Variants in ENTREP2 observed in about 807,000 individuals in gnomAD.
ENTREP2 encodes the protein endosomal transmembrane epsin interactor 2.
chr15:29,502,256 A>G, the ENTREP2 span, among the ~76,000 whole-genome samples: 1 of 152,004 alleles, frequency 6.6e-6, no homozygotes, highest in African/African-American at 2.4e-5. Flanking sequence ...ACAGTGTGAT[A>G]CTGGTATAAG....
chr15:29,490,365 G>C, the ENTREP2 span, among the ~76,000 whole-genome samples: 2 of 152,210 alleles, frequency 1.3e-5, no homozygotes, highest in Non-Finnish European at 2.9e-5. Context: ...ACCGCAAAGA[G>C]CGAAAGAACA....
chr15:29,218,143 T>C, the ENTREP2 span, among the ~76,000 whole-genome samples: 1 of 152,060 alleles, frequency 6.6e-6, no homozygotes, highest in African/African-American at 2.4e-5. Flanking sequence ...CCTGTTCCGG[T>C]AGAGGTGGCA....
At chr15:29,344,937 C>G in the ENTREP2 span, among the ~76,000 whole-genome samples, 1 of 136,384 alleles carries the variant, frequency 7.3e-6, no homozygotes, top group African/African-American at 3.3e-5. Flanking sequence ...CGCAGACACA[C>G]ACACACACAC....
the ENTREP2 span, chr15:29,120,244 G>C: frequency 6.6e-6 from 1 of 152,342 alleles, no homozygotes; most frequent in African/African-American, 2.4e-5. Flanking sequence ...AGACCTCAGA[G>C]ACACAGAGGC....
At chr15:29,532,800 T>G in the ENTREP2 span, among the ~76,000 whole-genome samples, 6 of 152,234 alleles carry the variant, frequency 3.9e-5, no homozygotes, top group South Asian at 1.0e-3. Context: ...ACCTGAGATC[T>G]CCCCAAGAAT....
chr15:29,486,424 C>T, the ENTREP2 span, among the ~76,000 whole-genome samples: 1 of 152,174 alleles, frequency 6.6e-6, no homozygotes, highest in African/African-American at 2.4e-5. Context: ...GGCACAGTGG[C>T]GCACGCCTGT....
the ENTREP2 span, among the ~76,000 whole-genome samples, chr15:29,600,428 G>A: frequency 0.02 from 2,652 of 131,424 alleles, 77 homozygotes; most frequent in African/African-American, 0.074. Flanking sequence ...GCCCATCCCA[G>A]TTCTCTCCCA....
At chr15:29,483,323 T>C in the ENTREP2 span, among the ~76,000 whole-genome samples, 1 of 152,210 alleles carries the variant, frequency 6.6e-6, no homozygotes, top group African/African-American at 2.4e-5. Flanking sequence ...AAGACAGAAG[T>C]TTCTAATTTT....
At chr15:29,195,965 T>TGG in the ENTREP2 span, among the ~76,000 whole-genome samples, 2 of 152,194 alleles carry the variant, frequency 1.3e-5, no homozygotes, top group African/African-American at 4.8e-5. Context: ...TAAAATAATA[T>TGG]AAACAATTTT....
chr15:29,283,183 C>A, the ENTREP2 span, among the ~76,000 whole-genome samples: 26 of 152,250 alleles, frequency 1.7e-4, no homozygotes, highest in South Asian at 5.2e-3. Context: ...TGAGAGGGAG[C>A]CTGTCCTGCA....
the ENTREP2 span, among the ~76,000 whole-genome samples, chr15:29,488,074 T>C: frequency 6.6e-6 from 1 of 151,966 alleles, no homozygotes; most frequent in Non-Finnish European, 1.5e-5. Context: ...TTAACAAACA[T>C]TGTCCCTGAA....
chr15:29,226,149 AATGT>A, the ENTREP2 span, among the ~76,000 whole-genome samples: 1 of 152,180 alleles, frequency 6.6e-6, no homozygotes, highest in Non-Finnish European at 1.5e-5. Flanking sequence ...CCCTCTGTAA[AATGT>A]ATTAATCCAC....
the ENTREP2 span, among the ~76,000 whole-genome samples, chr15:29,604,932 G>A: frequency 5.3e-5 from 8 of 152,214 alleles, no homozygotes; most frequent in South Asian, 1.7e-3. Flanking sequence ...TGGTGCTCTG[G>A]GGTCTACACA....
the ENTREP2 span, among the ~76,000 whole-genome samples, chr15:29,564,151 A>T: frequency 2.6e-5 from 4 of 152,240 alleles, no homozygotes; most frequent in African/African-American, 7.2e-5. Flanking sequence ...TACCTTTCCC[A>T]TTTGGCTCTA....
At chr15:29,511,996 T>C in the ENTREP2 span, among the ~76,000 whole-genome samples, 1 of 151,702 alleles carries the variant, frequency 6.6e-6, no homozygotes, top group Non-Finnish European at 1.5e-5. Context: ...TGTTTTAGAA[T>C]TATGAAATCA....
the ENTREP2 span, among the ~76,000 whole-genome samples, chr15:29,303,836 T>C: frequency 1.3e-5 from 2 of 152,200 alleles, no homozygotes; most frequent in African/African-American, 4.8e-5. Context: ...CATTCTTTCT[T>C]ACGGCTGCAT....
At chr15:29,249,209 G>C in the ENTREP2 span, among the ~76,000 whole-genome samples, 2 of 152,236 alleles carry the variant, frequency 1.3e-5, no homozygotes, top group Admixed American at 1.3e-4. Flanking sequence ...TTGGGAGGCT[G>C]AGGCAGAAGA....
chr15:29,165,780 A>G, the ENTREP2 span, among the ~76,000 whole-genome samples: 2 of 152,148 alleles, frequency 1.3e-5, no homozygotes, highest in Admixed American at 6.5e-5. Flanking sequence ...ACACTATTCC[A>G]CAAGATAAGA....
the ENTREP2 span, among the ~76,000 whole-genome samples, chr15:29,367,431 CTGTCAAATA>C: frequency 2.6e-5 from 4 of 152,178 alleles, no homozygotes; most frequent in Admixed American, 2.0e-4. Context: ...CTGGGGGTGA[CTGTCAAATA>C]CATTTGTAGG....
Sources: gnomAD v4.1 joint callset for allele counts (sites outside exome capture counted in the v4.1 genomes callset) on GRCh38, gnomAD v4.1.1 for gene constraint, MANE v1.5 for transcripts, NCBI Gene and HGNC (gene_info 2026-07-23, HGNC 2026-07-21) for gene names.